ACADSB: variants seen among roughly 807,000 people sequenced by gnomAD.
The protein encoded by ACADSB is acyl-CoA dehydrogenase short/branched chain.
In ACADSB, 40 loss-of-function variants were observed where a neutral mutation model predicts 54.1. That is an observed-to-expected ratio of 0.74 (90% CI 0.57 to 0.96). The LOEUF (loss-of-function observed/expected upper bound fraction) is 0.96. Among genes scored for constraint, ACADSB ranks in the 40% least tolerant of loss-of-function variants. ACADSB has a pLI of 0.00. For synonymous variants in ACADSB, 182 were observed against 182.8 expected (o/e 1.00, Z 0.03); for missense variants, 530 against 510.4 (o/e 1.04, Z -0.37).
At chr10:123,020,579 T>C (rs1021606245) in intron 1 of ACADSB, among the ~76,000 whole-genome samples, 5 of 152,200 alleles carry the variant, frequency 3.3e-5, no homozygotes, top group Non-Finnish European at 5.9e-5. Flanking sequence ...ACTTCTGTTG[T>C]TACTTCTCTT....
Position 123,043,188 on chromosome 10 carries a change from A to C in ACADSB, c.807+17A>C. On this transcript the variant is annotated intron_variant, in intron 6 of 10. Coordinates refer to ENST00000358776, the MANE Select transcript of ACADSB (RefSeq NM_001609.4). ...AATGTCAAGGTGGGTATCGTAGACT[A>C]ATCAGTAAAAGACTGATGCGAAATA... The C allele has an allele frequency of 6.2e-7, 1 of 1,613,110 alleles. No individual in the cohort carries two copies. Among genetic ancestry groups the C allele is most frequent in the African/African-American group, 1.3e-5 (1 of 75,026 alleles).
At chr10:123,032,040 T>C (rs56281581) in intron 1 of ACADSB, among the ~76,000 whole-genome samples, 72,139 of 151,688 alleles carry the variant, frequency 0.48, 18,534 homozygotes, top group Non-Finnish European at 0.59. Flanking sequence ...AGTGCAGTGG[T>C]GTGATCTTGG....
At chr10:123,019,941 T>C (rs928321335) in intron 1 of ACADSB, among the ~76,000 whole-genome samples, 1 of 152,168 alleles carries the variant, frequency 6.6e-6, no homozygotes, top group Non-Finnish European at 1.5e-5. Context: ...ATTAGATAAA[T>C]AGAATCATCC....
rs1239352041 is a variant in ACADSB, at chr10:123,057,437, T to C, written c.*3672T>C. ...TGTAGGTTTTCCCTGTAGTTCTTCC[T>C]TTATAGCTTTTCTTCTGATAACCAT... is the stretch of plus-strand genomic sequence containing the variant. On this transcript the variant is annotated 3_prime_UTR_variant, in exon 11 of 11. Transcript: ENST00000358776. 6.6e-6 allele frequency: 1 copy of C among 152,236 alleles called. No individual in the cohort carries two copies. Among genetic ancestry groups the C allele is most frequent in the East Asian group, 1.9e-4 (1 of 5,200 alleles). The allele number at this position is 152,236 out of a possible 1,614,324, so 9.4% of individuals were successfully genotyped here.
chr10:123,021,634 A>G (rs1850185967), intron 1 of ACADSB, among the ~76,000 whole-genome samples: 4 of 152,198 alleles, frequency 2.6e-5, no homozygotes, highest in Admixed American at 2.0e-4. Context: ...CACATATATA[A>G]CTACACAGAT....
chr10:123,030,153 GTCTTTA>G (rs1850307068), intron 1 of ACADSB, among the ~76,000 whole-genome samples: 1 of 152,176 alleles, frequency 6.6e-6, no homozygotes, highest in Admixed American at 6.5e-5. Flanking sequence ...CATGTCATAT[GTCTTTA>G]TCTTTACTAT....
chr10:123,043,586 G>A (rs1315058230), intron 6 of ACADSB, among the ~76,000 whole-genome samples: 1 of 152,212 alleles, frequency 6.6e-6, no homozygotes, highest in Non-Finnish European at 1.5e-5. Context: ...AGCAGCAGAA[G>A]ATCCAGATAG....
intron 6 of ACADSB, among the ~76,000 whole-genome samples, chr10:123,044,103 A>G (rs1004399933): frequency 3.9e-5 from 6 of 152,188 alleles, no homozygotes; most frequent in Non-Finnish European, 1.5e-5. Context: ...TGGGGGGGAA[A>G]AGTATTAATT....
At chr10:123,018,804 C>T (rs1019519087) in intron 1 of ACADSB, among the ~76,000 whole-genome samples, 1 of 152,108 alleles carries the variant, frequency 6.6e-6, no homozygotes, top group African/African-American at 2.4e-5. Context: ...CTTTATAAAA[C>T]GATCAGATCT....
chr10:123,040,023 AAATAT>A (rs1163236597), intron 3 of ACADSB, among the ~76,000 whole-genome samples: 1 of 152,092 alleles, frequency 6.6e-6, no homozygotes, highest in Admixed American at 6.5e-5. Flanking sequence ...AATTAAAATA[AAATAT>A]AAATACAAAA....
chr10:123,033,005 C>G (rs1023630424), intron 1 of ACADSB, among the ~76,000 whole-genome samples: 1 of 152,150 alleles, frequency 6.6e-6, no homozygotes, highest in East Asian at 1.9e-4. Flanking sequence ...CTTTGCACTT[C>G]GATTCTTACC....
At chr10:123,027,085 A>G (rs1036863810) in intron 1 of ACADSB, among the ~76,000 whole-genome samples, 1 of 152,174 alleles carries the variant, frequency 6.6e-6, no homozygotes. Flanking sequence ...AACTCTAATA[A>G]CCAAGCCATA....
chr10:123,053,669 G>C (rs1228841415), intron 10 of ACADSB, 26 bp from the exon 11 acceptor site: 1 of 1,597,680 alleles, frequency 6.3e-7, no homozygotes, highest in Non-Finnish European at 8.6e-7. Context: ...ACTCCTCATT[G>C]TTCCTTCTGC....
chr10:123,031,531 AC>A (rs1454632788), intron 1 of ACADSB, among the ~76,000 whole-genome samples: 1 of 152,262 alleles, frequency 6.6e-6, no homozygotes, highest in African/African-American at 2.4e-5. Flanking sequence ...GCTGAGGTCA[AC>A]ACTGAAGGGC....
At chr10:123,040,779 A>G (rs948646209) in intron 4 of ACADSB, 107 bp downstream of exon 4, 3 of 1,008,116 alleles carry the variant, frequency 3.0e-6, no homozygotes, top group East Asian at 2.6e-5. Context: ...CAAGACCACA[A>G]TGCGGTATCA....
intron 3 of ACADSB, among the ~76,000 whole-genome samples, 186 bp from the exon 4 acceptor site, chr10:123,040,280 G>A (rs1245025216): frequency 3.3e-5 from 5 of 151,992 alleles, no homozygotes; most frequent in Non-Finnish European, 7.4e-5. Flanking sequence ...GAACCCAGGA[G>A]GTGGAGGTTG....
Position 123,052,993 on chromosome 10 carries a change from T to C in ACADSB, c.1129-68T>C. ...AGTAAATCCATGTTGCTGAAAATGT[T>C]ACCCAGAAGTGTTTATCATGTATAA... On this transcript the variant is annotated intron_variant, in intron 9 of 10. Coordinates refer to ENST00000358776, the MANE Select transcript of ACADSB (RefSeq NM_001609.4). This position sits in a 1 kb window ranked among gnomAD's most constrained non-coding sequence, Gnocchi z 4.2. The C allele has an allele frequency of 8.0e-7, 1 of 1,254,858 alleles. No homozygotes were observed. Among genetic ancestry groups the C allele is most frequent in the Non-Finnish European group, 1.2e-6 (1 of 854,542 alleles). 77.7% of individuals were successfully genotyped at this position (1,254,858 alleles called of 1,614,324 possible). A position where few individuals can be genotyped will look rare whatever the true frequency, so the allele number is the denominator to read the frequency against.
At chr10:123,035,500 A>G (rs900729046) in intron 2 of ACADSB, among the ~76,000 whole-genome samples, 2 of 152,168 alleles carry the variant, frequency 1.3e-5, no homozygotes, top group African/African-American at 2.4e-5. Flanking sequence ...TTCGTTTTCT[A>G]TTGCTTGGTA....
chr10:123,057,574 G>A lies in ACADSB; in HGVS notation c.*3809G>A, dbSNP rs538924613. On this transcript the variant is annotated 3_prime_UTR_variant, in exon 11 of 11. Transcript: ENST00000358776. The stretch of plus-strand genomic sequence containing the variant: ...TAATTTGAGGACTGGGCTGTCTTGG[G>A]GCTCAGAAGATAAAGAACTATTTGA... 1 of 152,228 alleles carries A rather than the reference G, an allele frequency of 6.6e-6. No homozygotes were observed. Among genetic ancestry groups the A allele is most frequent in the Non-Finnish European group, 1.5e-5 (1 of 68,026 alleles). The allele number at this position is 152,228 out of a possible 1,614,324, so 9.4% of individuals were successfully genotyped here.
Sources: allele counts gnomAD v4.1 joint callset (sites outside exome capture counted in the v4.1 genomes callset), GRCh38; gene constraint gnomAD v4.1.1; non-coding constraint Gnocchi (gnomAD v3.1); transcripts MANE v1.5; gene names NCBI Gene and HGNC (gene_info 2026-07-23, HGNC 2026-07-21).